The following ASGR2 variants were observed in gnomAD, a reference collection of about 807,000 sequenced individuals.
ASGR2 encodes C-type lectin domain family 4 member H2.
A neutral mutation model predicts 32.3 loss-of-function variants in ASGR2; 34 were observed. That is an observed-to-expected ratio of 1.05 (90% CI 0.80 to 1.40). The LOEUF (loss-of-function observed/expected upper bound fraction) is 1.40, where lower values mean the gene tolerates loss of function less well. Ranked by LOEUF, ASGR2 falls within the 40% of genes most tolerant of loss-of-function variation. The pLI is 0.00. For synonymous variants in ASGR2, 143 were observed against 150.0 expected, an observed-to-expected ratio of 0.95 and a Z score of 0.34; for missense variants, 385 against 386.4, an observed-to-expected ratio of 1.00 and a Z score of 0.03.
chr17:7,101,953 T>C (rs1185066257), intron 8 of ASGR2, 137 bp downstream of exon 8: 15 of 1,072,474 alleles, frequency 1.4e-5, no homozygotes, highest in African/African-American at 1.1e-4. Flanking sequence ...AGCACAGCTT[T>C]GGAGGGGTTG....
Position 7,113,452 on chromosome 17 carries a change from CACAA to C in ASGR2, c.124+661_124+664del, listed in dbSNP as rs201421672. Among the ~76,000 whole-genome samples the C allele has an allele frequency of 0.016, 2,357 of 149,586 alleles. 69 individuals are homozygous for C. The highest frequency in any genetic ancestry group is 0.054 in the African/African-American group (2,204 of 40,546). The stretch of plus-strand genomic sequence containing the variant: ...CAACATACACAACACTCACACAACA[CACAA>C]ACATACATACACTCACACAATACAC... On this transcript the variant is annotated intron_variant, in intron 2 of 8. Transcript: ENST00000691900. This position sits in a 1 kb window ranked among gnomAD's most constrained non-coding sequence, Gnocchi z 5.1.
At chr17:7,109,923 C>T (rs946507022) in intron 2 of ASGR2, among the ~76,000 whole-genome samples, 2 of 152,158 alleles carry the variant, frequency 1.3e-5, no homozygotes, top group Admixed American at 6.5e-5. Context: ...AGACCCAGAG[C>T]AGCTCCAGTT....
chr17:7,113,551 A>ACACT lies in ASGR2; in HGVS notation c.124+565_124+566insAGTG, dbSNP rs200218789. Among the ~76,000 whole-genome samples, 1 of 150,332 alleles carries ACACT rather than the reference A, an allele frequency of 6.7e-6. No individual in the cohort carries two copies. Among genetic ancestry groups the ACACT allele is most frequent in the Non-Finnish European group, 1.5e-5 (1 of 67,534 alleles). Reference sequence around the variant, plus strand: ...ATACACACACTCATACACAACATACATACACACAACATACACACAACATAC... The same window carrying ACACT: ...ATACACACACTCATACACAACATACACACTTACACACAACATACACACAACATAC... On this transcript the variant is annotated intron_variant, in intron 2 of 8. Coordinates refer to ENST00000691900, the MANE Select transcript of ASGR2 (RefSeq NM_001201352.2). This position sits in a 1 kb window ranked among gnomAD's most constrained non-coding sequence, Gnocchi z 5.1.
chr17:7,103,878 C>T (rs1597374754), intron 7 of ASGR2, among the ~76,000 whole-genome samples: 1 of 152,000 alleles, frequency 6.6e-6, no homozygotes, highest in East Asian at 1.9e-4. Flanking sequence ...TGTGCTGCAC[C>T]CATTAACTCG....
At position 7,114,298 on chromosome 17, in the gene ASGR2, C is replaced by T. The variant is rs183235231; in HGVS notation, c.-58G>A. ...TGGGCTGGGCTGGGCTGAGGTTGCT[C>T]TGAGGGCTGGGGCTGGGGCAGAGGT... On this transcript the variant is annotated 5_prime_UTR_variant, in exon 2 of 9. Coordinates refer to ENST00000691900, the MANE Select transcript of ASGR2 (RefSeq NM_001201352.2). This position sits in a 1 kb window ranked among gnomAD's most constrained non-coding sequence, Gnocchi z 4.5. The T allele has an allele frequency of 7.1e-4, 1,005 of 1,423,974 alleles. 3 individuals are homozygous for T. In the African/African-American group the frequency reaches 0.013, roughly 18 times the overall value. 88.2% of individuals were successfully genotyped at this position (1,423,974 alleles called of 1,614,324 possible).
intron 7 of ASGR2, among the ~76,000 whole-genome samples, chr17:7,106,205 G>A (rs558548164): frequency 6.6e-6 from 1 of 152,254 alleles, no homozygotes; most frequent in Admixed American, 6.5e-5. Context: ...ATTCAAAAAG[G>A]TAAGAAACAA....
chr17:7,106,197 T>C (rs1470511249), intron 7 of ASGR2, among the ~76,000 whole-genome samples: 2 of 151,724 alleles, frequency 1.3e-5, no homozygotes, highest in Non-Finnish European at 2.9e-5. Context: ...AAACAGAGAT[T>C]CAAAAAGGTA....
intron 2 of ASGR2, among the ~76,000 whole-genome samples, chr17:7,111,656 CAAA>C (rs771750801): frequency 4.1e-5 from 3 of 73,582 alleles, no homozygotes; most frequent in Non-Finnish European, 2.8e-5. Context: ...ACTCCGCCTC[CAAA>C]AAAAAAAAAA....
Position 7,107,371 on chromosome 17 carries a change from G to A in ASGR2, c.410-54C>T, listed in dbSNP as rs1913898799. On this transcript the variant is annotated intron_variant, in intron 5 of 8. Coordinates refer to ENST00000691900, the MANE Select transcript of ASGR2 (RefSeq NM_001201352.2). The surrounding 1 kb of genome is among the most constrained non-coding windows in gnomAD (Gnocchi z 5.0). ...GGCAGGTGTGGTCCCCACCTGCTAGGCTCCAGCCTGTGGCTGGGGAAGCAT... is the reference window on the plus strand; with the variant it reads ...GGCAGGTGTGGTCCCCACCTGCTAGACTCCAGCCTGTGGCTGGGGAAGCAT... 1 of 1,577,616 alleles carries A rather than the reference G, an allele frequency of 6.3e-7. No individual in the cohort carries two copies. Among genetic ancestry groups the A allele is most frequent in the East Asian group, 2.3e-5 (1 of 44,404 alleles).
In ASGR2 at chr17:7,107,551, G is replaced by A. The variant is rs753607007; in HGVS notation, c.410-234C>T. On this transcript the variant is annotated intron_variant, in intron 5 of 8. Transcript: ENST00000691900. This position sits in a 1 kb window ranked among gnomAD's most constrained non-coding sequence, Gnocchi z 5.0. Reference sequence around the variant, plus strand: ...GAGACACACCACACACATCACATGCGTACACACACATATACCATACCGCAC... The same window carrying A: ...GAGACACACCACACACATCACATGCATACACACACATATACCATACCGCAC... 1.5e-4 allele frequency: 95 copies of A among 613,220 alleles called. No homozygotes were observed. Among genetic ancestry groups the A allele is most frequent in the Non-Finnish European group, 2.3e-4 (79 of 348,658 alleles). 38.0% of individuals were successfully genotyped at this position (613,220 alleles called of 1,614,324 possible).
At position 7,113,772 on chromosome 17, in the gene ASGR2, C is replaced by T. The variant is rs1412380684; in HGVS notation, c.124+345G>A. ...CACACACAACATATGCACGCTCTCGCGCACATATACACACACACAACATTC... is the reference window on the plus strand; with the variant it reads ...CACACACAACATATGCACGCTCTCGTGCACATATACACACACACAACATTC... On this transcript the variant is annotated intron_variant, in intron 2 of 8. Transcript: ENST00000691900. The surrounding 1 kb of genome is among the most constrained non-coding windows in gnomAD (Gnocchi z 5.1). Among the ~76,000 whole-genome samples, 3 of 145,026 alleles carry T rather than the reference C, an allele frequency of 2.1e-5. No individual in the cohort carries two copies. The highest frequency in any genetic ancestry group is 2.1e-4 in the East Asian group (1 of 4,842).
At chr17:7,110,157 C>A (rs1914441312) in intron 2 of ASGR2, among the ~76,000 whole-genome samples, 1 of 152,086 alleles carries the variant, frequency 6.6e-6, no homozygotes, top group South Asian at 2.1e-4. Flanking sequence ...AAGTGACTGT[C>A]CATAACTCTT....
chr17:7,108,331 T>A lies in ASGR2; in HGVS notation c.337+131A>T. 1.1e-6 allele frequency: 1 copy of A among 937,812 alleles called. No homozygotes were observed. 58.1% of individuals were successfully genotyped at this position (937,812 alleles called of 1,614,324 possible). ...TCCCCACCTGCCTCCCTCCTATACA[T>A]CCCCCAGGGCCCCTGGACGCCTTGC... On this transcript the variant is annotated intron_variant, in intron 4 of 8. Transcript: ENST00000691900. The surrounding 1 kb of genome is among the most constrained non-coding windows in gnomAD (Gnocchi z 4.9).
intron 7 of ASGR2, 69 bp from the exon 8 acceptor site, chr17:7,102,265 A>AGGGAGG: frequency 7.4e-7 from 1 of 1,349,396 alleles, no homozygotes; most frequent in Non-Finnish European, 1.1e-6. Flanking sequence ...GCAGGCATGG[A>AGGGAGG]ACTGTGGCCC....
chr17:7,106,029 CGCCCACCTCG>C (rs1386093453), intron 7 of ASGR2, among the ~76,000 whole-genome samples: 1 of 152,044 alleles, frequency 6.6e-6, no homozygotes, highest in Non-Finnish European at 1.5e-5. Context: ...CTTCATGATC[CGCCCACCTCG>C]GCCTCCCAAA....
In ASGR2 at chr17:7,108,384, A is replaced by G. The variant is rs1243828632; in HGVS notation, c.337+78T>C. 6.9e-7 allele frequency: 1 copy of G among 1,447,390 alleles called. No homozygotes were observed. Among genetic ancestry groups the G allele is most frequent in the African/African-American group, 1.4e-5 (1 of 71,106 alleles). 89.7% of individuals were successfully genotyped at this position (1,447,390 alleles called of 1,614,324 possible). On this transcript the variant is annotated intron_variant, in intron 4 of 8. Transcript: ENST00000691900. The surrounding 1 kb of genome is among the most constrained non-coding windows in gnomAD (Gnocchi z 4.9). ...AGCCTGCACCCCCACGGCACCCCAC[A>G]CAGCCCTGTTGCAGACTCGGCACTG...
intron 7 of ASGR2, among the ~76,000 whole-genome samples, chr17:7,104,663 T>G (rs1913376830): frequency 7.1e-6 from 1 of 139,930 alleles, no homozygotes; most frequent in Non-Finnish European, 1.6e-5. Context: ...AAAATAAAAA[T>G]AAACAAAAAA....
chr17:7,113,358 CACA>C lies in ASGR2; in HGVS notation c.124+756_124+758del, dbSNP rs1188019146. Among the ~76,000 whole-genome samples the C allele has an allele frequency of 2.7e-5, 4 of 150,942 alleles. No homozygotes were observed. ...CACACTCACGCAACACACTCACACA[CACA>C]ACATACATAACACACTCACAACATA... On this transcript the variant is annotated intron_variant, in intron 2 of 8. Transcript: ENST00000691900. This position sits in a 1 kb window ranked among gnomAD's most constrained non-coding sequence, Gnocchi z 5.1.
chr17:7,114,492 A>C lies in ASGR2; in HGVS notation c.-71+123T>G. 6.2e-6 allele frequency: 8 copies of C among 1,298,004 alleles called. No homozygotes were observed. The highest frequency in any genetic ancestry group is 1.8e-5 in the South Asian group (1 of 54,488). The allele number at this position is 1,298,004 out of a possible 1,614,324, so 80.4% of individuals were successfully genotyped here. ...GCTTGGGCCTTGACCTGGCCAGGAG[A>C]CCCCTCCCCACGCTCATGGACCCGA... On this transcript the variant is annotated intron_variant, in intron 1 of 8. Coordinates refer to ENST00000691900, the MANE Select transcript of ASGR2 (RefSeq NM_001201352.2). This position sits in a 1 kb window ranked among gnomAD's most constrained non-coding sequence, Gnocchi z 4.5.
Sources: allele counts gnomAD v4.1 joint callset (sites outside exome capture counted in the v4.1 genomes callset), GRCh38; gene constraint gnomAD v4.1.1; non-coding constraint Gnocchi (gnomAD v3.1); transcripts MANE v1.5; gene names NCBI Gene and HGNC (gene_info 2026-07-23, HGNC 2026-07-21).